The following EIPR1 variants were observed in gnomAD, a reference collection of about 807,000 sequenced individuals.
EIPR1 encodes EARP and GARP complex-interacting protein 1.
A neutral mutation model predicts 48.1 loss-of-function variants in EIPR1; 25 were observed. The ratio of observed to expected loss-of-function variants is 0.52; its 90% CI spans 0.38 to 0.73. The LOEUF is 0.73. Ranked by LOEUF, EIPR1 falls within the 30% of genes least tolerant of loss-of-function variation. The probability of loss-of-function intolerance (pLI) is 0.00; values close to 1 mark genes in which losing one functional copy is unlikely to be tolerated. For synonymous variants in EIPR1, 204 were observed against 201.9 expected (o/e 1.01, Z -0.09); for missense variants, 415 against 506.2 (o/e 0.82, Z 1.73).
chr2:3,337,485 T>C (rs1039212643), intron 3 of EIPR1, among the ~76,000 whole-genome samples: 1 of 152,078 alleles, frequency 6.6e-6, no homozygotes, highest in Non-Finnish European at 1.5e-5. Context: ...CAAGGAGAAC[T>C]GGGGAAGAGG....
At chr2:3,337,386 G>C (rs2103350892) in intron 3 of EIPR1, among the ~76,000 whole-genome samples, 1 of 152,332 alleles carries the variant, frequency 6.6e-6, no homozygotes, top group South Asian at 2.1e-4. Context: ...CAAAGAATTT[G>C]TTCTGGCTTA....
chr2:3,345,301 G>A (rs1043239123), intron 2 of EIPR1, among the ~76,000 whole-genome samples: 1 of 151,942 alleles, frequency 6.6e-6, no homozygotes, highest in Admixed American at 6.6e-5. Context: ...AAAATTATTG[G>A]GGCATAATCA....
intron 3 of EIPR1, among the ~76,000 whole-genome samples, chr2:3,275,156 T>C (rs146055249): frequency 0.025 from 3,763 of 152,232 alleles, 75 homozygotes; most frequent in South Asian, 0.074. Context: ...CAGCAAAACA[T>C]TGTTTACAAG....
At chr2:3,194,723 A>G (rs1664750163) in intron 6 of EIPR1, among the ~76,000 whole-genome samples, 1 of 151,804 alleles carries the variant, frequency 6.6e-6, no homozygotes, top group Non-Finnish European at 1.5e-5. Flanking sequence ...AAGGCCATGG[A>G]AGCAGGAAGG....
chr2:3,371,888 G>A (rs1391502566), intron 1 of EIPR1, among the ~76,000 whole-genome samples: 1 of 152,166 alleles, frequency 6.6e-6, no homozygotes, highest in Non-Finnish European at 1.5e-5. Context: ...GGACCTAATA[G>A]ATATCTACAG....
chr2:3,345,732 G>A (rs1670379729), intron 2 of EIPR1, among the ~76,000 whole-genome samples: 1 of 152,076 alleles, frequency 6.6e-6, no homozygotes, highest in African/African-American at 2.4e-5. Flanking sequence ...AAAAGAAAGT[G>A]CACAGTGGGA....
At chr2:3,277,060 G>A (rs1667869996) in intron 3 of EIPR1, among the ~76,000 whole-genome samples, 2 of 152,140 alleles carry the variant, frequency 1.3e-5, no homozygotes, top group South Asian at 2.1e-4. Flanking sequence ...AGGAAAACTC[G>A]GGTGAATGTA....
At chr2:3,335,175 G>A (rs1051266459) in intron 3 of EIPR1, among the ~76,000 whole-genome samples, 4 of 152,196 alleles carry the variant, frequency 2.6e-5, no homozygotes, top group Non-Finnish European at 4.4e-5. Flanking sequence ...AGGCCAGTGC[G>A]CTACGAAGCT....
intron 4 of EIPR1, among the ~76,000 whole-genome samples, chr2:3,231,432 A>G (rs1025486292): frequency 7.2e-5 from 11 of 152,240 alleles, no homozygotes; most frequent in African/African-American, 2.7e-4. Flanking sequence ...ATATTATAAG[A>G]AAAGCTTACA....
chr2:3,346,771 G>A (rs1363907883), intron 2 of EIPR1, among the ~76,000 whole-genome samples: 6 of 152,352 alleles, frequency 3.9e-5, no homozygotes, highest in African/African-American at 1.4e-4. Context: ...GAAGCTGTTT[G>A]TAGGAGAGAT....
intron 4 of EIPR1, among the ~76,000 whole-genome samples, chr2:3,226,404 A>G (rs529387290): frequency 5.0e-4 from 76 of 152,158 alleles, no homozygotes; most frequent in African/African-American, 1.5e-3. Flanking sequence ...TGCCTATTGG[A>G]TATCTGTATG....
intron 4 of EIPR1, among the ~76,000 whole-genome samples, chr2:3,249,727 C>A (rs1666947480): frequency 6.6e-6 from 1 of 152,198 alleles, no homozygotes; most frequent in South Asian, 2.1e-4. Context: ...CATCCAAGGT[C>A]CAAAGGCCCA....
At chr2:3,287,388 A>G (rs1668226609) in intron 3 of EIPR1, among the ~76,000 whole-genome samples, 1 of 151,780 alleles carries the variant, frequency 6.6e-6, no homozygotes, top group Admixed American at 6.6e-5. Context: ...AAGCTTGTTC[A>G]CCACAATCCA....
chr2:3,211,477 G>A (rs775333506), intron 5 of EIPR1, among the ~76,000 whole-genome samples: 17 of 152,148 alleles, frequency 1.1e-4, no homozygotes, highest in Non-Finnish European at 2.4e-4. Flanking sequence ...AAACACAAAC[G>A]CTATTTGCAT....
chr2:3,238,373 G>C (rs993241015), intron 4 of EIPR1, among the ~76,000 whole-genome samples: 1 of 152,236 alleles, frequency 6.6e-6, no homozygotes, highest in Non-Finnish European at 1.5e-5. Flanking sequence ...ACACTCCAGA[G>C]CCGCGGGAGG....
intron 1 of EIPR1, among the ~76,000 whole-genome samples, chr2:3,360,301 G>A (rs1374033194): frequency 6.6e-6 from 1 of 152,020 alleles, no homozygotes; most frequent in African/African-American, 2.4e-5. Flanking sequence ...CTACTCAAGA[G>A]GCTAAGGCAG....
At chr2:3,214,099 G>A (rs1403221667) in intron 5 of EIPR1, 50 bp downstream of exon 5, 8 of 1,553,110 alleles carry the variant, frequency 5.2e-6, no homozygotes, top group Non-Finnish European at 7.1e-6. Context: ...AACATGCGGG[G>A]TTTGGTTTAA....
intron 6 of EIPR1, among the ~76,000 whole-genome samples, chr2:3,196,266 A>G (rs1664804166): frequency 6.6e-6 from 1 of 152,210 alleles, no homozygotes. Context: ...GTGATAAATT[A>G]TGGTGTGCTG....
At chr2:3,203,817 G>A (rs183046730) in intron 5 of EIPR1, among the ~76,000 whole-genome samples, 132 of 152,354 alleles carry the variant, frequency 8.7e-4, no homozygotes, top group East Asian at 6.0e-3. Flanking sequence ...GGGGCCACAC[G>A]GCCAGGAGCT....
Sources: gnomAD v4.1 joint callset for allele counts (sites outside exome capture counted in the v4.1 genomes callset) on GRCh38, gnomAD v4.1.1 for gene constraint, MANE v1.5 for transcripts, NCBI Gene and HGNC (gene_info 2026-07-23, HGNC 2026-07-21) for gene names.